The following AGPAT3 variants were observed in gnomAD, a reference collection of about 807,000 sequenced individuals.
The protein encoded by AGPAT3 is 1-acylglycerol-3-phosphate O-acyltransferase 3.
Under a neutral mutation model 47.3 loss-of-function variants are expected in AGPAT3, and 5 were observed. That is an observed-to-expected ratio of 0.11 (90% CI 0.06 to 0.22). The LOEUF (loss-of-function observed/expected upper bound fraction) is 0.22, where lower values mean the gene tolerates loss of function less well. Among genes scored for constraint, AGPAT3 ranks in the 10% least tolerant of loss-of-function variants. The pLI is 1.00. For synonymous variants in AGPAT3, 212 were observed against 208.3 expected (o/e 1.02, Z -0.15); for missense variants, 315 against 493.0 (o/e 0.64, Z 3.42).
chr21:43,895,152 T>G (rs916167865), intron 1 of AGPAT3, among the ~76,000 whole-genome samples: 1 of 152,056 alleles, frequency 6.6e-6, no homozygotes, highest in Admixed American at 6.5e-5. Context: ...TCCCCCAGTC[T>G]GGAGTGCAGT....
chr21:43,969,548 C>CA (rs2089305621), intron 5 of AGPAT3, among the ~76,000 whole-genome samples: 1 of 152,250 alleles, frequency 6.6e-6, no homozygotes, highest in Non-Finnish European at 1.5e-5. Flanking sequence ...AGGGTGCCCC[C>CA]AGTGAGCCCT....
intron 2 of AGPAT3, among the ~76,000 whole-genome samples, chr21:43,956,542 T>C (rs1263073107): frequency 6.6e-6 from 1 of 152,246 alleles, no homozygotes; most frequent in Admixed American, 6.5e-5. Context: ...TTGTCTTTTC[T>C]GTCCTTTCTG....
At chr21:43,872,267 G>C (rs2085639410) in intron 1 of AGPAT3, among the ~76,000 whole-genome samples, 1 of 150,690 alleles carries the variant, frequency 6.6e-6, no homozygotes, top group African/African-American at 2.5e-5. Flanking sequence ...TGCAACCTCT[G>C]CCTCCCGGGT....
At chr21:43,921,081 C>G (rs2086881705) in intron 2 of AGPAT3, among the ~76,000 whole-genome samples, 1 of 152,194 alleles carries the variant, frequency 6.6e-6, no homozygotes, top group Non-Finnish European at 1.5e-5. Flanking sequence ...CCACTGCATT[C>G]CAGCCTGGGC....
intron 8 of AGPAT3, 75 bp from the exon 9 acceptor site, chr21:43,980,914 A>G (rs1279800383): frequency 2.8e-6 from 4 of 1,411,450 alleles, no homozygotes; most frequent in Non-Finnish European, 3.9e-6. Flanking sequence ...TTCATTGCCA[A>G]CAATCTTCTC....
intron 2 of AGPAT3, among the ~76,000 whole-genome samples, chr21:43,905,270 A>G (rs1185353157): frequency 1.3e-5 from 2 of 151,148 alleles, no homozygotes; most frequent in African/African-American, 2.4e-5. Flanking sequence ...GCTCACTGCA[A>G]CCTCCACTTC....
In AGPAT3 at chr21:43,938,540, A is replaced by C. The variant is rs573033263; in HGVS notation, c.-48-21094A>C. Among the ~76,000 whole-genome samples the C allele has an allele frequency of 2.6e-5, 4 of 152,064 alleles. No homozygotes were observed. In the South Asian group the frequency reaches 8.3e-4, roughly 32 times the overall value. On this transcript the variant is annotated intron_variant, in intron 2 of 9. Coordinates refer to ENST00000291572, the MANE Select transcript of AGPAT3 (RefSeq NM_020132.5). Reference sequence around the variant, plus strand: ...AACTCCTGACCTCAGGTGATCCACCAGCCTCGGCCTCCCACAGTGCTGGGA... The same window carrying C: ...AACTCCTGACCTCAGGTGATCCACCCGCCTCGGCCTCCCACAGTGCTGGGA...
In AGPAT3 at chr21:43,986,780, G is replaced by C. The variant is rs1266782037; in HGVS notation, c.*4388G>C. On this transcript the variant is annotated 3_prime_UTR_variant, in exon 10 of 10. Transcript: ENST00000291572. The stretch of plus-strand genomic sequence containing the variant: ...GAAAATCTGCCATCGCTGACTGTTG[G>C]CCAGTTTCAAAGGGACCCATTGTAT... Among the ~76,000 whole-genome samples, 3 of 152,202 alleles carry C rather than the reference G, an allele frequency of 2.0e-5. No homozygotes were observed. The highest frequency in any genetic ancestry group is 4.8e-5 in the African/African-American group (2 of 41,464).
chr21:43,921,673 G>C (rs969659108), intron 2 of AGPAT3, among the ~76,000 whole-genome samples: 1 of 152,212 alleles, frequency 6.6e-6, no homozygotes, highest in South Asian at 2.1e-4. Flanking sequence ...GCCCTGGAGC[G>C]CTTGTTAGTT....
chr21:43,944,558 CAG>C (rs935261613), intron 2 of AGPAT3, among the ~76,000 whole-genome samples: 9 of 152,234 alleles, frequency 5.9e-5, no homozygotes, highest in African/African-American at 1.9e-4. Context: ...CACTGATTGA[CAG>C]GGGAGAAAGA....
rs1438806113 is a variant in AGPAT3, at chr21:43,970,719, G to T, written c.577G>T (p.Ala193Ser). The T allele has an allele frequency of 5.6e-6, 9 of 1,613,452 alleles. No individual in the cohort carries two copies. ...GCACCGCGTTAGCATGGAGGTGGCG[G>T]CTGCTAAGGGGCTTCCTGTCCTCAA... ...TKHRVSMEVAAAKGLPVLKYH... is the reference protein window; with the variant it reads ...TKHRVSMEVASAKGLPVLKYH... Residue 193 changes from alanine to serine, a missense_variant, in exon 6 of 10, where the codon GCT becomes TCT. Coordinates refer to ENST00000291572, the MANE Select transcript of AGPAT3 (RefSeq NM_020132.5). This position sits in a 1 kb window ranked among gnomAD's most constrained non-coding sequence, Gnocchi z 5.8.
In AGPAT3 at chr21:43,969,130, C is replaced by G; in HGVS notation, c.361C>G (p.Leu121Val). ...RFGVLGSSKV[L>V]AKKELLYVPL... ...CTCCTCCCTCCAGAGCTCCAAGGTC[C>G]TCGCTAAGAAGGAGCTGCTCTACGT... The change falls in exon 5 of 10, where the codon CTC (leucine) becomes GTC (valine). Residue 121 changes from leucine (L) to valine (V), a missense_variant. Transcript: ENST00000291572. 6.2e-7 allele frequency: 1 copy of G among 1,614,182 alleles called. No individual in the cohort carries two copies. The highest frequency in any genetic ancestry group is 8.5e-7 in the Non-Finnish European group (1 of 1,180,010).
At position 43,985,555 on chromosome 21, in the gene AGPAT3, T is replaced by C. The variant is rs1406713255; in HGVS notation, c.*3163T>C. The stretch of plus-strand genomic sequence containing the variant: ...TGTTGATTTGAAGGAAAAGCCGTGG[T>C]TGGACCCAGCTGTGTGTTTCACTCA... On this transcript the variant is annotated 3_prime_UTR_variant, in exon 10 of 10. Coordinates refer to ENST00000291572, the MANE Select transcript of AGPAT3 (RefSeq NM_020132.5). The C allele has an allele frequency of 3.6e-6, 1 of 276,700 alleles. No homozygotes were observed. The highest frequency in any genetic ancestry group is 1.0e-4 in the East Asian group (1 of 9,548). 17.1% of individuals were successfully genotyped at this position (276,700 alleles called of 1,614,324 possible).
Position 43,970,578 on chromosome 21 carries a change from A to C in AGPAT3, c.511-75A>C, listed in dbSNP as rs1054266060. Reference sequence around the variant, plus strand: ...AGCCACAACCTTTGCTGCCTGTCAGAGAGGCAGGCCTGGCCTGGACATGCA... The same window carrying C: ...AGCCACAACCTTTGCTGCCTGTCAGCGAGGCAGGCCTGGCCTGGACATGCA... On this transcript the variant is annotated intron_variant, in intron 5 of 9. Transcript: ENST00000291572. This position sits in a 1 kb window ranked among gnomAD's most constrained non-coding sequence, Gnocchi z 5.8. The C allele has an allele frequency of 1.1e-5, 17 of 1,497,214 alleles. No homozygotes were observed. The highest frequency in any genetic ancestry group is 1.6e-5 in the Non-Finnish European group (17 of 1,095,034). The allele number at this position is 1,497,214 out of a possible 1,614,324, so 92.7% of individuals were successfully genotyped here.
intron 2 of AGPAT3, among the ~76,000 whole-genome samples, chr21:43,942,949 A>G (rs1223923762): frequency 6.6e-6 from 1 of 152,200 alleles, no homozygotes; most frequent in Non-Finnish European, 1.5e-5. Flanking sequence ...CCTGTTGGGG[A>G]TGGAGGAAGA....
At chr21:43,961,746 G>A (rs1478528791) in intron 3 of AGPAT3, among the ~76,000 whole-genome samples, 6 of 151,752 alleles carry the variant, frequency 4.0e-5, no homozygotes, top group South Asian at 4.2e-4. Flanking sequence ...AACGGTGAGC[G>A]CGTATACACT....
In AGPAT3 at chr21:43,982,501, C is replaced by A; in HGVS notation, c.*109C>A. ...AATTAGAAACTATTTTTCTTATTAACTGGTGACTAATATTAACAAAACTTG... is the reference window on the plus strand; with the variant it reads ...AATTAGAAACTATTTTTCTTATTAAATGGTGACTAATATTAACAAAACTTG... On this transcript the variant is annotated 3_prime_UTR_variant, in exon 10 of 10. Coordinates refer to ENST00000291572, the MANE Select transcript of AGPAT3 (RefSeq NM_020132.5). The surrounding 1 kb of genome is among the most constrained non-coding windows in gnomAD (Gnocchi z 6.2). 1.3e-6 allele frequency: 1 copy of A among 792,878 alleles called. No individual in the cohort carries two copies. The highest frequency in any genetic ancestry group is 1.7e-5 in the African/African-American group (1 of 57,218). The allele number at this position is 792,878 out of a possible 1,614,324, so 49.1% of individuals were successfully genotyped here.
At chr21:43,931,804 C>T (rs574058880) in intron 2 of AGPAT3, among the ~76,000 whole-genome samples, 6 of 152,170 alleles carry the variant, frequency 3.9e-5, no homozygotes, top group South Asian at 2.1e-4. Flanking sequence ...TAAGTAAAAC[C>T]ATGATTCTAA....
At chr21:43,925,931 G>C (rs368283457) in intron 2 of AGPAT3, among the ~76,000 whole-genome samples, 1 of 152,262 alleles carries the variant, frequency 6.6e-6, no homozygotes, top group Non-Finnish European at 1.5e-5. Flanking sequence ...GGTGGCCGCC[G>C]GCGCCATGTA....
Sources: gnomAD v4.1 joint callset for allele counts (sites outside exome capture counted in the v4.1 genomes callset) on GRCh38, gnomAD v4.1.1 for gene constraint, Gnocchi (gnomAD v3.1) non-coding constraint, MANE v1.5 for transcripts, NCBI Gene and HGNC (gene_info 2026-07-23, HGNC 2026-07-21) for gene names.